The following LAMA4 variants were observed in gnomAD, a reference collection of about 807,000 sequenced individuals.
LAMA4 encodes the protein laminin subunit alpha-4.
Under a neutral mutation model 207.1 loss-of-function variants are expected in LAMA4, and 127 were observed. The observed-to-expected ratio is 0.61, with a 90% CI of 0.53 to 0.71. LAMA4 has a LOEUF of 0.71. Ranked by LOEUF, LAMA4 falls within the 30% of genes least tolerant of loss-of-function variation. The pLI is 0.00. For missense variants in LAMA4, 2,093 were observed against 2,246.5 expected, an observed-to-expected ratio of 0.93 and a Z score of 1.38; for synonymous variants, 761 against 816.0, an observed-to-expected ratio of 0.93 and a Z score of 1.15.
chr6:112,131,715 A>C (rs1295641321), intron 28 of LAMA4, among the ~76,000 whole-genome samples: 6 of 152,134 alleles, frequency 3.9e-5, no homozygotes, highest in Non-Finnish European at 8.8e-5. Context: ...AGTCTGAGGC[A>C]GGTTTGGGTC....
Position 112,185,229 on chromosome 6 carries a change from A to C in LAMA4, c.1077+8T>G. 6.5e-7 allele frequency: 1 copy of C among 1,542,820 alleles called. No homozygotes were observed. Among genetic ancestry groups the C allele is most frequent in the Non-Finnish European group, 9.0e-7 (1 of 1,115,176 alleles). On this transcript the variant is annotated splice_region_variant and intron_variant, in intron 9 of 38. Coordinates refer to ENST00000230538, the MANE Select transcript of LAMA4 (RefSeq NM_001105206.3). ...GCTGTCCCAGAAACTGAATACATACATACGTACCTTTTCAACTAATTCCTC... is the reference window on the plus strand; with the variant it reads ...GCTGTCCCAGAAACTGAATACATACCTACGTACCTTTTCAACTAATTCCTC...
At chr6:112,154,639 G>C in intron 16 of LAMA4, 1 of 582,800 alleles carries the variant, frequency 1.7e-6, no homozygotes, top group South Asian at 2.1e-5. Flanking sequence ...GTGTTTCCAT[G>C]TAGTTTACTA....
intron 4 of LAMA4, among the ~76,000 whole-genome samples, chr6:112,202,062 A>G: frequency 6.6e-6 from 1 of 152,146 alleles, no homozygotes; most frequent in Admixed American, 6.5e-5. Flanking sequence ...TTTTTTCTGC[A>G]CTAGAACTTG....
chr6:112,201,805 TTTTC>T, intron 4 of LAMA4, 117 bp from the exon 5 acceptor site: 1 of 864,864 alleles, frequency 1.2e-6, no homozygotes, highest in Admixed American at 1.7e-5. Flanking sequence ...GGTGCAATCA[TTTTC>T]TTTATTTAAA....
At chr6:112,227,077 A>G (rs1562755818) in intron 2 of LAMA4, among the ~76,000 whole-genome samples, 1 of 150,598 alleles carries the variant, frequency 6.6e-6, no homozygotes, top group African/African-American at 2.4e-5. Context: ...TTATTTATTT[A>G]TTTATTTATA....
chr6:112,136,116 T>C lies in LAMA4; in HGVS notation c.3414+7A>G. ...AACAAAACCAACCAAACTACAATGA[T>C]TTGTACCTCATGGTATTTTGCATCA... On this transcript the variant is annotated splice_region_variant and intron_variant, in intron 25 of 38. Transcript: ENST00000230538. 2 of 1,611,334 alleles carry C rather than the reference T, an allele frequency of 1.2e-6. No individual in the cohort carries two copies. Among genetic ancestry groups the C allele is most frequent in the Non-Finnish European group, 1.7e-6 (2 of 1,179,092 alleles).
intron 12 of LAMA4, among the ~76,000 whole-genome samples, chr6:112,168,577 C>T (rs1166498131): frequency 2.6e-5 from 4 of 151,964 alleles, no homozygotes; most frequent in African/African-American, 9.7e-5. Context: ...AACTCCTGAC[C>T]TCAGGTGATC....
In LAMA4 at chr6:112,128,991, A is replaced by G; in HGVS notation, c.4218T>C (p.Ser1406=). The part of the protein sequence containing the change: ...HTSLYECPIE[S]SPLFLLHKKG... ...TTTTATGGAGGAGAAACAATGGTGA[A>G]GACTCAATGGGACACTCATAAAGAG... The change falls in exon 31 of 39, where the codon TCT becomes TCC. Residue 1406 remains serine, a synonymous_variant. Coordinates refer to ENST00000230538, the MANE Select transcript of LAMA4 (RefSeq NM_001105206.3). 1 of 1,612,856 alleles carries G rather than the reference A, an allele frequency of 6.2e-7. No individual in the cohort carries two copies. Among genetic ancestry groups the G allele is most frequent in the Non-Finnish European group, 8.5e-7 (1 of 1,178,922 alleles).
rs1309845278 is a variant in LAMA4 at position 112,137,853 on chromosome 6, ATGTC to A, written c.3282+1263_3282+1266del. On this transcript the variant is annotated intron_variant, in intron 24 of 38. Transcript: ENST00000230538. ...TGTTGAACTTTATTCGTGATGACAA[ATGTC>A]TGACAGTAGTATGAATCCTACTAGT... Among the ~76,000 whole-genome samples, 31 of 152,308 alleles carry A rather than the reference ATGTC, an allele frequency of 2.0e-4. No individual in the cohort carries two copies. In the East Asian group the frequency reaches 5.8e-3, roughly 28 times the overall value.
intron 14 of LAMA4, among the ~76,000 whole-genome samples, chr6:112,156,063 A>G (rs892253394): frequency 9.2e-5 from 14 of 152,194 alleles, no homozygotes; most frequent in African/African-American, 3.4e-4. Flanking sequence ...CCAAATCAGC[A>G]TTGTTATTTC....
At chr6:112,233,819 A>G (rs1554365078) in intron 2 of LAMA4, among the ~76,000 whole-genome samples, 1 of 152,214 alleles carries the variant, frequency 6.6e-6, no homozygotes, top group African/African-American at 2.4e-5. Flanking sequence ...AAAAACACCA[A>G]TGAATTTACT....
At chr6:112,245,773 G>T (rs1016369418) in intron 2 of LAMA4, among the ~76,000 whole-genome samples, 1 of 152,056 alleles carries the variant, frequency 6.6e-6, no homozygotes, top group Admixed American at 6.5e-5. Context: ...AGGTAAACAC[G>T]GATCTCTAGC....
At chr6:112,165,338 G>C in intron 12 of LAMA4, 62 bp from the exon 13 acceptor site, 1 of 1,101,396 alleles carries the variant, frequency 9.1e-7, no homozygotes. Context: ...GCGTTGGGGA[G>C]AGCAGTAAAT....
Position 112,175,358 on chromosome 6 carries a change from T to C in LAMA4, c.1312A>G (p.Thr438Ala), listed in dbSNP as rs782106015. The change falls in exon 11 of 39, where the codon ACC becomes GCC. Residue 438 changes from threonine to alanine, a missense_variant. By Grantham distance (58) the Thr-to-Ala change is moderately conservative. Around this residue, in one of 3 missense-constraint regions of LAMA4, gnomAD observed 1,704 missense variants for 1,788.4 expected, o/e 0.95. Transcript: ENST00000230538. Reference protein sequence around the residue: ...EEIRSRQPFFTQRELVDEEAD... With the variant: ...EEIRSRQPFFAQRELVDEEAD... ...TCCTCATCCACGAGCTCCCGTTGGG[T>C]GAAAAATGGTTGACGGCTTCTAATC... 37 of 1,613,980 alleles carry C rather than the reference T, an allele frequency of 2.3e-5. 1 individual carries two copies. In the South Asian group the frequency reaches 4.1e-4, roughly 18 times the overall value.
intron 19 of LAMA4, among the ~76,000 whole-genome samples, chr6:112,144,352 C>A (rs188479128): frequency 1.7e-3 from 256 of 152,312 alleles, no homozygotes; most frequent in African/African-American, 5.9e-3. Flanking sequence ...CAGATAATTT[C>A]TTGAAGGGGT....
At chr6:112,251,370 G>A (rs1787438785) in intron 2 of LAMA4, 1 of 152,258 alleles carries the variant, frequency 6.6e-6, no homozygotes, top group African/African-American at 2.4e-5. Flanking sequence ...CTGGGCTATT[G>A]AAGAGCTTAG....
intron 12 of LAMA4, chr6:112,172,338 C>T (rs1781764057): frequency 2.4e-6 from 1 of 412,816 alleles, no homozygotes. Flanking sequence ...ATTGCTTACC[C>T]ACTTGCAAGA....
chr6:112,144,986 A>G, intron 18 of LAMA4, 53 bp from the exon 19 acceptor site: 1 of 1,470,336 alleles, frequency 6.8e-7, no homozygotes, highest in Non-Finnish European at 9.3e-7. Context: ...ATTATATTTC[A>G]AGAATCAGAT....
chr6:112,207,253 G>T, intron 3 of LAMA4, 108 bp from the exon 4 acceptor site: 2 of 1,173,046 alleles, frequency 1.7e-6, no homozygotes, highest in Non-Finnish European at 2.5e-6. Flanking sequence ...CATCAGATCA[G>T]ACAGCACAGA....
Sources: gnomAD v4.1 joint callset for allele counts (sites outside exome capture counted in the v4.1 genomes callset) on GRCh38, gnomAD v4.1.1 for gene constraint, gnomAD v4.1.1 regional missense constraint, MANE v1.5 for transcripts, NCBI Gene and HGNC (gene_info 2026-07-23, HGNC 2026-07-21) for gene names.